Variants in TRPM1 observed in about 807,000 individuals in gnomAD.
TRPM1 encodes the protein TRPM1-203 APA Isoform, Intron 10.
Under a neutral mutation model 149.4 loss-of-function variants are expected in TRPM1, and 113 were observed. That is an observed-to-expected ratio of 0.76 (90% CI 0.65 to 0.88). TRPM1 has a LOEUF of 0.88. Ranked by LOEUF, TRPM1 falls within the 40% of genes least tolerant of loss-of-function variation. The pLI, the probability that TRPM1 is intolerant of heterozygous loss-of-function variation, is 0.00. For synonymous variants in TRPM1, 741 were observed against 759.5 expected (o/e 0.98, Z 0.40); for missense variants, 1,976 against 2,038.7 (o/e 0.97, Z 0.59).
intron 1 of TRPM1, among the ~76,000 whole-genome samples, chr15:31,144,721 T>G (rs1273668981): frequency 1.3e-5 from 2 of 150,920 alleles, no homozygotes; most frequent in South Asian, 2.1e-4. Flanking sequence ...GATTTTTTTT[T>G]TTTTTTTTTT....
Position 31,067,995 on chromosome 15 carries a change from T to G in TRPM1, c.377A>C (p.His126Pro). 1 of 1,614,192 alleles carries G rather than the reference T, an allele frequency of 6.2e-7. No homozygotes were observed. Among genetic ancestry groups the G allele is most frequent in the South Asian group, 1.1e-5 (1 of 91,080 alleles). The change falls in exon 5 of 28, where the codon CAT becomes CCT. Residue 126 changes from histidine (H) to proline (P), a missense_variant. Around this residue, in one of 3 missense-constraint regions of TRPM1, gnomAD observed 1,332 missense variants for 1,347.1 expected, o/e 0.99. Coordinates refer to ENST00000256552, the MANE Select transcript of TRPM1 (RefSeq NM_001252024.2). ...LELPKLLISV[H>P]GGLQNFEMQP... Reference sequence around the variant, plus strand: ...CATCTCAAAGTTCTGGAGGCCTCCATGCACAGATATTAAGAGCTTGGGGAG... The same window carrying G: ...CATCTCAAAGTTCTGGAGGCCTCCAGGCACAGATATTAAGAGCTTGGGGAG...
chr15:31,160,003 C>T (rs1191960476), intron 1 of TRPM1, among the ~76,000 whole-genome samples: 11 of 152,134 alleles, frequency 7.2e-5, no homozygotes, highest in Non-Finnish European at 4.4e-5. Flanking sequence ...GCTCTGCCAG[C>T]TCCCTTGCTG....
At chr15:31,119,710 G>A (rs959330343) in intron 1 of TRPM1, among the ~76,000 whole-genome samples, 1 of 152,102 alleles carries the variant, frequency 6.6e-6, no homozygotes, top group Non-Finnish European at 1.5e-5. Context: ...AAATGACAAT[G>A]ATGTTATAAG....
chr15:31,017,063 G>A (rs951988810), intron 27 of TRPM1, among the ~76,000 whole-genome samples: 1 of 152,060 alleles, frequency 6.6e-6, no homozygotes, highest in Admixed American at 6.5e-5. Context: ...CTAGCACTTT[G>A]GGAGGCCAAG....
At chr15:31,062,992 A>C in intron 8 of TRPM1, 126 bp downstream of exon 8, 1 of 1,312,206 alleles carries the variant, frequency 7.6e-7, no homozygotes, top group Non-Finnish European at 1.1e-6. Flanking sequence ...ATGGGAGAGG[A>C]GATCTAGCAA....
chr15:31,047,315 G>A lies in TRPM1; in HGVS notation c.1624-64C>T, dbSNP rs896909884. ...GTTCGCAGTGTGGACTTCATCACAC[G>A]TCTAGGGGGTAAGTGGCTGTCCTGG... is the stretch of plus-strand genomic sequence containing the variant. On this transcript the variant is annotated intron_variant, in intron 14 of 27. Coordinates refer to ENST00000256552, the MANE Select transcript of TRPM1 (RefSeq NM_001252024.2). 18 of 1,592,594 alleles carry A rather than the reference G, an allele frequency of 1.1e-5. 1 individual carries two copies. In the South Asian group the frequency reaches 1.4e-4, roughly 13 times the overall value.
At chr15:31,072,012 TATATATAG>T (rs1256258895) in intron 3 of TRPM1, among the ~76,000 whole-genome samples, 422 of 28,368 alleles carry the variant, frequency 0.015, no homozygotes, top group Non-Finnish European at 0.022. Context: ...TATATATATA[TATATATAG>T]AGAGAGAGAG....
At chr15:31,049,273 C>A in intron 13 of TRPM1, 102 bp downstream of exon 13, 1 of 1,557,112 alleles carries the variant, frequency 6.4e-7, no homozygotes, top group Non-Finnish European at 8.8e-7. Context: ...GACCTCCCAG[C>A]TGAAGGAGGT....
intron 1 of TRPM1, among the ~76,000 whole-genome samples, chr15:31,096,122 G>A (rs529913813): frequency 3.3e-5 from 5 of 151,420 alleles, no homozygotes; most frequent in East Asian, 1.9e-4. Context: ...AAGAAGAAAC[G>A]AAGGGAAGGG....
chr15:31,160,625 G>T (rs562239023), intron 1 of TRPM1, among the ~76,000 whole-genome samples: 1 of 152,232 alleles, frequency 6.6e-6, no homozygotes, highest in Non-Finnish European at 1.5e-5. Context: ...AATGGTGAAA[G>T]GATTTGTGCC....
At chr15:31,007,989 T>C (rs2032056855) in intron 27 of TRPM1, among the ~76,000 whole-genome samples, 1 of 152,230 alleles carries the variant, frequency 6.6e-6, no homozygotes, top group South Asian at 2.1e-4. Flanking sequence ...AATTACACAC[T>C]GATGGTATAT....
At chr15:31,069,511 CAGA>C in intron 4 of TRPM1, 3 of 1,116,118 alleles carry the variant, frequency 2.7e-6, no homozygotes, top group Admixed American at 4.4e-5. Context: ...GAACGGATCA[CAGA>C]GCTGAAGCCT....
At chr15:31,133,532 C>T (rs1460053026) in intron 1 of TRPM1, among the ~76,000 whole-genome samples, 3 of 152,100 alleles carry the variant, frequency 2.0e-5, no homozygotes, top group Non-Finnish European at 4.4e-5. Context: ...CCCGTCTCTA[C>T]AAAAAATTAG....
intron 24 of TRPM1, among the ~76,000 whole-genome samples, chr15:31,028,771 T>C (rs528170454): frequency 6.6e-6 from 1 of 151,716 alleles, no homozygotes; most frequent in Non-Finnish European, 1.5e-5. Context: ...AAAAAACAAC[T>C]CACACAAAGA....
chr15:31,089,656 C>G (rs2035169018), intron 1 of TRPM1, among the ~76,000 whole-genome samples: 1 of 152,218 alleles, frequency 6.6e-6, no homozygotes, highest in African/African-American at 2.4e-5. Flanking sequence ...GCCCAGCTAC[C>G]CTGGGACGGT....
intron 3 of TRPM1, among the ~76,000 whole-genome samples, chr15:31,076,262 G>A (rs1313291878): frequency 6.6e-6 from 1 of 152,148 alleles, no homozygotes; most frequent in Non-Finnish European, 1.5e-5. Context: ...TGAAGAGTGT[G>A]TACTTCTGTG....
At chr15:31,145,323 A>G (rs770808907) in intron 1 of TRPM1, among the ~76,000 whole-genome samples, 1 of 152,164 alleles carries the variant, frequency 6.6e-6, no homozygotes, top group South Asian at 2.1e-4. Flanking sequence ...TGGCAGAAGA[A>G]GACTCCATGT....
intron 1 of TRPM1, among the ~76,000 whole-genome samples, chr15:31,150,322 G>T (rs964656729): frequency 6.6e-6 from 1 of 152,076 alleles, no homozygotes; most frequent in African/African-American, 2.4e-5. Flanking sequence ...TCAGGCTGGC[G>T]TTCCCAGGTG....
intron 1 of TRPM1, among the ~76,000 whole-genome samples, chr15:31,092,000 G>T (rs1284770691): frequency 6.6e-6 from 1 of 151,938 alleles, no homozygotes; most frequent in African/African-American, 2.4e-5. Flanking sequence ...ATGTCAAGGG[G>T]ACTCAGCCCT....
Sources: gnomAD v4.1 joint callset for allele counts (sites outside exome capture counted in the v4.1 genomes callset) on GRCh38, gnomAD v4.1.1 for gene constraint, gnomAD v4.1.1 regional missense constraint, MANE v1.5 for transcripts, NCBI Gene and HGNC (gene_info 2026-07-23, HGNC 2026-07-21) for gene names.